Variants in PBX3 observed in about 807,000 individuals in gnomAD.
PBX3 encodes pre-B-cell leukemia transcription factor 3.
PBX3 carries 14 observed loss-of-function variants against 48.5 expected under a neutral mutation model. The observed-to-expected ratio is 0.29, with a 90% confidence interval of 0.19 to 0.45. The LOEUF is 0.45. Among genes scored for constraint, PBX3 ranks in the 20% least tolerant of loss-of-function variants. PBX3 has a pLI of 1.00. For missense variants in PBX3, 386 were observed against 546.7 expected, an observed-to-expected ratio of 0.71 and a Z score of 2.93; for synonymous variants, 210 against 200.3, an observed-to-expected ratio of 1.05 and a Z score of -0.41.
intron 5 of PBX3, among the ~76,000 whole-genome samples, chr9:125,951,671 A>G (rs1252416993): frequency 6.6e-6 from 1 of 152,236 alleles, no homozygotes; most frequent in African/African-American, 2.4e-5. Context: ...CAACAGCCCC[A>G]TGAGAAGGAG....
At chr9:125,786,197 A>G (rs976836885) in intron 2 of PBX3, among the ~76,000 whole-genome samples, 2 of 152,218 alleles carry the variant, frequency 1.3e-5, no homozygotes, top group Non-Finnish European at 2.9e-5. Flanking sequence ...TAGGTATAAG[A>G]GCTTGAATCT....
rs188167762 is a variant in PBX3, at chr9:125,919,622, G to A, written c.516+3695G>A. Among the ~76,000 whole-genome samples, 490 of 152,222 alleles carry A rather than the reference G, an allele frequency of 3.2e-3. 1 individual carries two copies. Among genetic ancestry groups the A allele is most frequent in the Non-Finnish European group, 5.5e-3 (371 of 68,012 alleles). On this transcript the variant is annotated intron_variant, in intron 3 of 8. Transcript: ENST00000373489. ...AAATAGGAAGAACATATATGTTAAGGCAAAGGCTTCAACAGAAAATTGTGT... is the reference window on the plus strand; with the variant it reads ...AAATAGGAAGAACATATATGTTAAGACAAAGGCTTCAACAGAAAATTGTGT...
chr9:125,941,188 A>G (rs1841952006), intron 5 of PBX3, among the ~76,000 whole-genome samples: 1 of 152,180 alleles, frequency 6.6e-6, no homozygotes, highest in Non-Finnish European at 1.5e-5. Context: ...GAGATGAAGG[A>G]CAAGTCATGT....
chr9:125,851,588 A>G (rs775873286), intron 2 of PBX3, among the ~76,000 whole-genome samples: 5 of 152,122 alleles, frequency 3.3e-5, no homozygotes, highest in East Asian at 1.9e-4. Context: ...TCAGAGCTAT[A>G]TATTATGAAG....
rs1234401973 is a variant in PBX3 at position 125,899,448 on chromosome 9, T to TAG, written c.275-16237_275-16236insGA. On this transcript the variant is annotated intron_variant, in intron 2 of 8. Transcript: ENST00000373489. ...ATGTCTATATATATGTGTGTATATA[T>TAG]ATATATAGAGAGAGAGAGAGAGAGA... 6.2e-4 allele frequency among the ~76,000 whole-genome samples: 49 copies of TAG among 78,594 alleles called. 2 individuals are homozygous for TAG. Among genetic ancestry groups the TAG allele is most frequent in the African/African-American group, 2.6e-3 (45 of 17,072 alleles). 51.6% of individuals were successfully genotyped at this position (78,594 alleles called of 152,430 possible).
chr9:125,796,863 T>TAC (rs200051448), intron 2 of PBX3, among the ~76,000 whole-genome samples: 79 of 151,808 alleles, frequency 5.2e-4, no homozygotes, highest in African/African-American at 1.4e-3. Context: ...CTTATGGACG[T>TAC]ACACACACAC....
intron 2 of PBX3, among the ~76,000 whole-genome samples, chr9:125,780,068 C>G (rs1273891590): frequency 1.7e-5 from 2 of 118,848 alleles, no homozygotes; most frequent in Admixed American, 8.8e-5. Flanking sequence ...AGGGGGCTGA[C>G]CCCCCCACCT....
intron 5 of PBX3, among the ~76,000 whole-genome samples, chr9:125,948,974 C>A (rs1300235196): frequency 6.6e-6 from 1 of 152,240 alleles, no homozygotes; most frequent in Admixed American, 6.5e-5. Flanking sequence ...ACCACATTGC[C>A]CTGGCTGGTC....
chr9:125,778,014 G>C (rs978990244), intron 2 of PBX3, among the ~76,000 whole-genome samples: 1 of 149,510 alleles, frequency 6.7e-6, no homozygotes. Context: ...AGGCTGGAGT[G>C]CAGTGGTGTG....
chr9:125,866,400 A>C (rs1839981871), intron 2 of PBX3, among the ~76,000 whole-genome samples: 1 of 152,210 alleles, frequency 6.6e-6, no homozygotes, highest in African/African-American at 2.4e-5. Flanking sequence ...TAGAAGTGAA[A>C]TCATTAATTA....
intron 2 of PBX3, among the ~76,000 whole-genome samples, chr9:125,887,117 GATAA>G (rs1188073416): frequency 1.3e-5 from 2 of 152,046 alleles, no homozygotes; most frequent in African/African-American, 4.8e-5. Context: ...ACCAACACAA[GATAA>G]ATAACCCAGC....
intron 2 of PBX3, among the ~76,000 whole-genome samples, chr9:125,780,692 T>C (rs1837255312): frequency 8.3e-6 from 1 of 120,594 alleles, no homozygotes; most frequent in Non-Finnish European, 1.7e-5. Flanking sequence ...GGCGGGGGGC[T>C]GACCACCCCC....
chr9:125,834,693 C>G (rs930042039), intron 2 of PBX3, among the ~76,000 whole-genome samples: 1 of 150,954 alleles, frequency 6.6e-6, no homozygotes, highest in East Asian at 2.0e-4. Context: ...CCACCTCACC[C>G]GACCAATTAT....
intron 5 of PBX3, among the ~76,000 whole-genome samples, chr9:125,947,202 T>A (rs1842083111): frequency 6.6e-6 from 1 of 151,876 alleles, no homozygotes; most frequent in African/African-American, 2.4e-5. Context: ...AATAAAAAGA[T>A]TACAGATACA....
At chr9:125,931,236 A>G (rs1841707137) in intron 4 of PBX3, among the ~76,000 whole-genome samples, 1 of 152,222 alleles carries the variant, frequency 6.6e-6, no homozygotes, top group African/African-American at 2.4e-5. Flanking sequence ...TTCATGTAGT[A>G]TAAGCTCTAA....
At chr9:125,856,544 C>T (rs1460300595) in intron 2 of PBX3, among the ~76,000 whole-genome samples, 2 of 152,132 alleles carry the variant, frequency 1.3e-5, no homozygotes, top group African/African-American at 4.8e-5. Context: ...GGTTAGCAGA[C>T]GTGTGGCAGT....
chr9:125,958,398 C>T (rs1842355146), intron 5 of PBX3, among the ~76,000 whole-genome samples: 1 of 152,126 alleles, frequency 6.6e-6, no homozygotes, highest in African/African-American at 2.4e-5. Context: ...ATATGGGGCT[C>T]AAGGAAGGGA....
At chr9:125,854,461 T>A (rs1169088739) in intron 2 of PBX3, among the ~76,000 whole-genome samples, 2 of 152,130 alleles carry the variant, frequency 1.3e-5, no homozygotes, top group South Asian at 2.1e-4. Flanking sequence ...TATTAAAAAA[T>A]TTAATCTATT....
At chr9:125,767,080 C>T (rs1836819357) in intron 2 of PBX3, among the ~76,000 whole-genome samples, 1 of 152,114 alleles carries the variant, frequency 6.6e-6, no homozygotes, top group Non-Finnish European at 1.5e-5. Context: ...GTGGAAAGAC[C>T]TGGAAAATTA....
Sources: allele counts gnomAD v4.1 joint callset (sites outside exome capture counted in the v4.1 genomes callset), GRCh38; gene constraint gnomAD v4.1.1; transcripts MANE v1.5; gene names NCBI Gene and HGNC (gene_info 2026-07-23, HGNC 2026-07-21).